Variants in FAF1 observed in about 807,000 individuals in gnomAD.
The protein encoded by FAF1 is FAS-associated factor 1.
A neutral mutation model predicts 92.5 loss-of-function variants in FAF1; 25 were observed. The observed-to-expected ratio is 0.27, with a 90% CI of 0.20 to 0.38. The LOEUF (loss-of-function observed/expected upper bound fraction) is 0.38. Among genes scored for constraint, FAF1 ranks in the 10% least tolerant of loss-of-function variants. FAF1 has a pLI of 1.00. For missense variants in FAF1, 636 were observed against 793.3 expected, an observed-to-expected ratio of 0.80 and a Z score of 2.38; for synonymous variants, 234 against 273.2, an observed-to-expected ratio of 0.86 and a Z score of 1.42.
intron 13 of FAF1, among the ~76,000 whole-genome samples, chr1:50,545,321 C>A (rs1174582251): frequency 1.3e-5 from 2 of 152,182 alleles, no homozygotes; most frequent in Admixed American, 1.3e-4. Context: ...GTCACCCAGG[C>A]TGGAGTGCAG....
intron 7 of FAF1, among the ~76,000 whole-genome samples, chr1:50,694,068 T>C (rs938180152): frequency 6.6e-6 from 1 of 150,800 alleles, no homozygotes; most frequent in African/African-American, 2.5e-5. Context: ...ATATATGACA[T>C]ATACATGACA....
intron 7 of FAF1, among the ~76,000 whole-genome samples, chr1:50,693,534 G>A (rs940502445): frequency 6.6e-6 from 1 of 151,868 alleles, no homozygotes; most frequent in Non-Finnish European, 1.5e-5. Context: ...TTATGTATTA[G>A]AAAGCCTTGT....
intron 15 of FAF1, among the ~76,000 whole-genome samples, chr1:50,513,756 C>A (rs1647169253): frequency 6.6e-6 from 1 of 152,166 alleles, no homozygotes; most frequent in Admixed American, 6.5e-5. Context: ...GTGATACTCA[C>A]AACAATTAGG....
chr1:50,709,705 T>C (rs902245696), intron 6 of FAF1, among the ~76,000 whole-genome samples: 3 of 152,204 alleles, frequency 2.0e-5, no homozygotes, highest in African/African-American at 7.2e-5. Context: ...CTAGGCTGCT[T>C]GGGCGATACA....
intron 18 of FAF1, among the ~76,000 whole-genome samples, chr1:50,447,199 C>T (rs1342078100): frequency 1.4e-5 from 2 of 145,260 alleles, no homozygotes; most frequent in African/African-American, 2.6e-5. Context: ...GATCTCGGCT[C>T]ACTGCAAGCT....
chr1:50,700,948 C>T (rs1657448376), intron 7 of FAF1, among the ~76,000 whole-genome samples: 1 of 151,976 alleles, frequency 6.6e-6, no homozygotes, highest in South Asian at 2.1e-4. Context: ...CACAGGAAAC[C>T]TCAATATTTA....
At chr1:50,778,480 T>C (rs568376804) in intron 4 of FAF1, among the ~76,000 whole-genome samples, 5 of 152,328 alleles carry the variant, frequency 3.3e-5, no homozygotes, top group African/African-American at 1.2e-4. Context: ...TAGCCTACTG[T>C]TGACCAGAAA....
At chr1:50,822,750 C>CTT (rs1279080993) in intron 2 of FAF1, among the ~76,000 whole-genome samples, 1 of 88,260 alleles carries the variant, frequency 1.1e-5, no homozygotes, top group Non-Finnish European at 3.1e-5. Context: ...GGTGTTTTTT[C>CTT]TTTCTTTCTT....
chr1:50,713,155 C>CAAAA (rs371395514), intron 6 of FAF1, among the ~76,000 whole-genome samples: 7 of 46,492 alleles, frequency 1.5e-4, no homozygotes, highest in Non-Finnish European at 2.1e-4. Flanking sequence ...GCCAGACCCT[C>CAAAA]AAAAAAAAAA....
In FAF1 at chr1:50,574,896, C is replaced by CTGTTTTTTTTTTTT. The variant is rs1558000811; in HGVS notation, c.1114-7666_1114-7665insAAAAAAAAAAAACA. ...GTTTAAGCATATAGAGTTGTATTAA[C>CTGTTTTTTTTTTTT]TCTTTTTTTTTTTTTTTTTTTTTTT... is the stretch of plus-strand genomic sequence containing the variant. On this transcript the variant is annotated intron_variant, in intron 12 of 18. Coordinates refer to ENST00000396153, the MANE Select transcript of FAF1 (RefSeq NM_007051.3). Among the ~76,000 whole-genome samples the CTGTTTTTTTTTTTT allele has an allele frequency of 8.4e-4, 103 of 122,900 alleles. 7 individuals are homozygous for CTGTTTTTTTTTTTT. Among genetic ancestry groups the CTGTTTTTTTTTTTT allele is most frequent in the African/African-American group, 3.0e-3 (92 of 30,794 alleles). 80.6% of individuals were successfully genotyped at this position (122,900 alleles called of 152,430 possible). A position where few individuals can be genotyped will look rare whatever the true frequency, so the allele number is the denominator to read the frequency against.
At position 50,715,199 on chromosome 1, in the gene FAF1, T is replaced by G. The variant is rs185676813; in HGVS notation, c.552-9308A>C. On this transcript the variant is annotated intron_variant, in intron 6 of 18. Transcript: ENST00000396153. ...GGCTCCAGTGTTATTTGCAACAAAA[T>G]AAAATGAAAGTTAACATTATTAAGC... Among the ~76,000 whole-genome samples, 114 of 152,294 alleles carry G rather than the reference T, an allele frequency of 7.5e-4. 1 individual carries two copies. Among genetic ancestry groups the G allele is most frequent in the African/African-American group, 2.6e-3 (110 of 41,574 alleles).
At chr1:50,463,893 A>ATGTTTTGAG (rs1462500227) in intron 18 of FAF1, among the ~76,000 whole-genome samples, 2 of 152,210 alleles carry the variant, frequency 1.3e-5, no homozygotes, top group African/African-American at 2.4e-5. Flanking sequence ...AACTTCTTGG[A>ATGTTTTGAG]TGTTTGGTCA....
At chr1:50,934,616 C>T (rs1360967928) in intron 1 of FAF1, among the ~76,000 whole-genome samples, 9 of 152,054 alleles carry the variant, frequency 5.9e-5, no homozygotes, top group Non-Finnish European at 1.5e-5. Context: ...CTCAGCTACA[C>T]AAGAGGCTGA....
At chr1:50,891,140 A>G (rs2124700356) in intron 1 of FAF1, among the ~76,000 whole-genome samples, 1 of 152,252 alleles carries the variant, frequency 6.6e-6, no homozygotes, top group Admixed American at 6.5e-5. Flanking sequence ...TCTTTCTTGC[A>G]GTTGATGAAA....
intron 1 of FAF1, among the ~76,000 whole-genome samples, chr1:50,882,064 TG>T (rs1644616661): frequency 6.6e-6 from 1 of 152,178 alleles, no homozygotes. Context: ...GCATCTAAAA[TG>T]TCGTCATTAC....
At chr1:50,749,342 G>C (rs1659753717) in intron 4 of FAF1, among the ~76,000 whole-genome samples, 1 of 152,128 alleles carries the variant, frequency 6.6e-6, no homozygotes, top group South Asian at 2.1e-4. Context: ...GTTTCTTAAA[G>C]GAAAAACAAG....
At chr1:50,774,608 A>G (rs531072320) in intron 4 of FAF1, among the ~76,000 whole-genome samples, 1 of 152,278 alleles carries the variant, frequency 6.6e-6, no homozygotes, top group South Asian at 2.1e-4. Flanking sequence ...ATAATAACAG[A>G]CCTATTTTTC....
intron 8 of FAF1, among the ~76,000 whole-genome samples, chr1:50,634,404 T>C (rs1653921594): frequency 6.6e-6 from 1 of 152,254 alleles, no homozygotes; most frequent in Non-Finnish European, 1.5e-5. Flanking sequence ...AATATTTCCA[T>C]TGCTCAAGAA....
intron 16 of FAF1, 147 bp from the exon 17 acceptor site, chr1:50,490,812 TGTG>T: frequency 1.6e-6 from 1 of 642,072 alleles, no homozygotes; most frequent in Non-Finnish European, 2.8e-6. Context: ...AGAGGTATAT[TGTG>T]GTAACGGAAA....
Sources: allele counts gnomAD v4.1 joint callset (sites outside exome capture counted in the v4.1 genomes callset), GRCh38; gene constraint gnomAD v4.1.1; transcripts MANE v1.5; gene names NCBI Gene and HGNC (gene_info 2026-07-23, HGNC 2026-07-21).